Variants in ARHGEF18 observed in about 807,000 individuals in gnomAD.
ARHGEF18 encodes the protein rho guanine nucleotide exchange factor 18.
In ARHGEF18, 93 loss-of-function variants were observed where a neutral mutation model predicts 155.7. The observed-to-expected ratio is 0.60, with a 90% CI of 0.50 to 0.71. ARHGEF18 has a LOEUF of 0.71. ARHGEF18 is among the 30% of genes least tolerant of loss of function. The pLI is 0.00. For synonymous variants in ARHGEF18, 742 were observed against 753.1 expected, an observed-to-expected ratio of 0.99 and a Z score of 0.24; for missense variants, 1,593 against 1,816.1, an observed-to-expected ratio of 0.88 and a Z score of 2.23.
rs550267302 is a variant in ARHGEF18, at chr19:7,386,922, C to T, written c.967+3719C>T. Among the ~76,000 whole-genome samples the T allele has an allele frequency of 5.9e-5, 9 of 152,164 alleles. No individual in the cohort carries two copies. The East Asian group carries it at 1.7e-3, about 29-fold the overall frequency. ...GCGCTGCAAAGACAGTTCCTGCCTT[C>T]CAGCTGGGGATTTGGGCGGGACAGC... On this transcript the variant is annotated intron_variant, in intron 10 of 28. Transcript: ENST00000668164.
At chr19:7,477,321 C>G (rs747587409), downstream of ARHGEF18, 1 of 1,559,054 alleles carries the variant, frequency 6.4e-7, no homozygotes, top group Admixed American at 1.9e-5. Flanking sequence ...GCCCACAGCA[C>G]GCCCCGGGGC....
chr19:7,469,760 T>C (rs1201859349), intron 27 of ARHGEF18, 144 bp from the exon 28 acceptor site: 2 of 946,766 alleles, frequency 2.1e-6, no homozygotes, highest in Non-Finnish European at 3.2e-6. Flanking sequence ...GCTTAGCATC[T>C]GAGCAGCTCA....
rs957079560 is a variant in ARHGEF18, at chr19:7,462,087, C to T, written c.2453-65C>T. ...GGTTCCTCATCCTTAGGCCAGTCCCCGGGGCTCAGATGATTCCAGGGAAGG... is the reference window on the plus strand; with the variant it reads ...GGTTCCTCATCCTTAGGCCAGTCCCTGGGGCTCAGATGATTCCAGGGAAGG... On this transcript the variant is annotated intron_variant, in intron 20 of 28. Coordinates refer to ENST00000668164, the MANE Select transcript of ARHGEF18 (RefSeq NM_001367823.1). This position sits in a 1 kb window ranked among gnomAD's most constrained non-coding sequence, Gnocchi z 4.4. The T allele has an allele frequency of 3.9e-5, 63 of 1,600,060 alleles. No homozygotes were observed. The highest frequency in any genetic ancestry group is 1.5e-4 in the African/African-American group (11 of 74,718).
At chr19:7,476,443 G>T (rs1036051743), downstream of ARHGEF18, among the ~76,000 whole-genome samples, 2 of 152,242 alleles carry the variant, frequency 1.3e-5, no homozygotes, top group Admixed American at 1.3e-4. Context: ...GACTCTGAAG[G>T]GTTGTTCTCA....
intron 15 of ARHGEF18, among the ~76,000 whole-genome samples, chr19:7,449,349 G>A (rs566143777): frequency 1.6e-4 from 25 of 152,124 alleles, no homozygotes; most frequent in African/African-American, 5.3e-4. Flanking sequence ...CAAGGCAGGC[G>A]GATCACTTGA....
intron 16 of ARHGEF18, among the ~76,000 whole-genome samples, chr19:7,451,838 C>T (rs1319227564): frequency 6.6e-6 from 1 of 152,140 alleles, no homozygotes; most frequent in African/African-American, 2.4e-5. Flanking sequence ...TCTCCTGCCT[C>T]AGACTCCCGA....
chr19:7,394,015 CT>C (rs35371365), intron 10 of ARHGEF18, among the ~76,000 whole-genome samples: 67,113 of 150,262 alleles, frequency 0.45, 18,196 homozygotes, highest in African/African-American at 0.77. Context: ...TATGCTGCCT[CT>C]TTTTTTGTTG....
intron 16 of ARHGEF18, among the ~76,000 whole-genome samples, chr19:7,452,589 C>T (rs1975556883): frequency 6.6e-6 from 1 of 151,908 alleles, no homozygotes. Context: ...CCTCAGCCTC[C>T]CGAGTAGCTG....
chr19:7,479,351 G>C, the ARHGEF18 span, among the ~76,000 whole-genome samples: 1 of 152,200 alleles, frequency 6.6e-6, no homozygotes, highest in Non-Finnish European at 1.5e-5. Context: ...GGGGGTGGTG[G>C]TGGGCGCCTG....
chr19:7,350,800 G>A (rs7250621), intron 1 of ARHGEF18, among the ~76,000 whole-genome samples: 4,435 of 150,738 alleles, frequency 0.029, 224 homozygotes, highest in African/African-American at 0.1. Context: ...GTGTGTGTGT[G>A]TGTGTGTGTG....
At chr19:7,384,081 G>C (rs927509757) in intron 10 of ARHGEF18, among the ~76,000 whole-genome samples, 1 of 152,160 alleles carries the variant, frequency 6.6e-6, no homozygotes, top group Non-Finnish European at 1.5e-5. Context: ...GAAAAGATGC[G>C]TGCGCCGTTT....
Position 7,462,056 on chromosome 19 carries a change from C to A in ARHGEF18, c.2453-96C>A. 6.8e-7 allele frequency: 1 copy of A among 1,471,844 alleles called. No individual in the cohort carries two copies. Among genetic ancestry groups the A allele is most frequent in the Non-Finnish European group, 9.4e-7 (1 of 1,061,002 alleles). 91.2% of individuals were successfully genotyped at this position (1,471,844 alleles called of 1,614,324 possible). On this transcript the variant is annotated intron_variant, in intron 20 of 28. Coordinates refer to ENST00000668164, the MANE Select transcript of ARHGEF18 (RefSeq NM_001367823.1). The surrounding 1 kb of genome is among the most constrained non-coding windows in gnomAD (Gnocchi z 4.4). ...GGGGCAGCCTACCTCAGGGCAGGGC[C>A]AGCGGGGTTCCTCATCCTTAGGCCA...
chr19:7,382,860 G>C lies in ARHGEF18; in HGVS notation c.791G>C (p.Cys264Ser). 1.6e-6 allele frequency: 2 copies of C among 1,232,608 alleles called. No individual in the cohort carries two copies. The highest frequency in any genetic ancestry group is 2.0e-6 in the Non-Finnish European group (2 of 988,116). 76.4% of individuals were successfully genotyped at this position (1,232,608 alleles called of 1,614,324 possible). ...KSTSVKRRLS[C>S]LRSRVTRQKE... is the part of the protein sequence containing the mutation. ...ACCAGTGTGAAGCGCAGGCTGAGCT[G>C]CCTCCGCAGTCGAGTGACCAGGCAG... The change falls in exon 9 of 29, where the codon TGC (cysteine) becomes TCC (serine). Residue 264 changes from cysteine (C) to serine (S), a missense_variant. Physicochemically the swap from Cys to Ser is moderately radical, Grantham distance 112. Transcript: ENST00000668164.
chr19:7,430,245 A>G (rs539658695), intron 10 of ARHGEF18, among the ~76,000 whole-genome samples: 24 of 152,164 alleles, frequency 1.6e-4, no homozygotes, highest in Non-Finnish European at 2.6e-4. Flanking sequence ...TCTGTCACCC[A>G]GGCTGGAGTG....
rs536313812 is a variant in ARHGEF18, at chr19:7,395,104, G to A, written c.967+11901G>A. The A allele has an allele frequency of 1.0e-6, 1 of 985,522 alleles. No homozygotes were observed. Among genetic ancestry groups the A allele is most frequent in the South Asian group, 4.7e-5 (1 of 21,292 alleles). 61.0% of individuals were successfully genotyped at this position (985,522 alleles called of 1,614,324 possible). A position where few individuals can be genotyped will look rare whatever the true frequency, so the allele number is the denominator to read the frequency against. The stretch of plus-strand genomic sequence containing the variant: ...GCCTCCGAGGCGGGATCGCGCATGC[G>A]CTGCTCTCCTCGCGCGGCTTCCCGC... On this transcript the variant is annotated intron_variant, in intron 10 of 28. Transcript: ENST00000668164. The surrounding 1 kb of genome is among the most constrained non-coding windows in gnomAD (Gnocchi z 5.0).
At chr19:7,437,562 C>G (rs1974338741) in intron 10 of ARHGEF18, among the ~76,000 whole-genome samples, 1 of 152,080 alleles carries the variant, frequency 6.6e-6, no homozygotes, top group Non-Finnish European at 1.5e-5. Context: ...CTTCTAGCTG[C>G]TCTCTTCCTG....
intron 10 of ARHGEF18, among the ~76,000 whole-genome samples, chr19:7,386,693 C>T (rs941023896): frequency 1.3e-5 from 2 of 152,048 alleles, no homozygotes; most frequent in Non-Finnish European, 2.9e-5. Context: ...TCTGTCGGAA[C>T]CTGTTGCAGG....
chr19:7,378,973 G>T, intron 6 of ARHGEF18, 149 bp from the exon 7 acceptor site: 1 of 573,846 alleles, frequency 1.7e-6, no homozygotes, highest in South Asian at 9.0e-5. Context: ...GATTACAGGC[G>T]TGAGCCACTG....
At position 7,453,722 on chromosome 19, in the gene ARHGEF18, G is replaced by C. The variant is rs1975649974; in HGVS notation, c.2104+7G>C. On this transcript the variant is annotated splice_region_variant and intron_variant, in intron 17 of 28. Transcript: ENST00000668164. ...ACATCAGGGCGCTTGAAAGGTAAAG[G>C]CCTGCCCCTGCCCACCTCTAGTGGG... 6 of 1,538,308 alleles carry C rather than the reference G, an allele frequency of 3.9e-6. No individual in the cohort carries two copies. The South Asian group carries it at 7.6e-5, about 19-fold the overall frequency.
Sources: gnomAD v4.1 joint callset for allele counts (sites outside exome capture counted in the v4.1 genomes callset) on GRCh38, gnomAD v4.1.1 for gene constraint, Gnocchi (gnomAD v3.1) non-coding constraint, MANE v1.5 for transcripts, NCBI Gene and HGNC (gene_info 2026-07-23, HGNC 2026-07-21) for gene names.